KCNH8: variants seen among roughly 807,000 people sequenced by gnomAD.
The protein encoded by KCNH8 is potassium voltage-gated channel subfamily H member 8, also known as voltage-gated delayed rectifier potassium channel KCNH8.
Under a neutral mutation model 103.6 loss-of-function variants are expected in KCNH8, and 70 were observed. The observed-to-expected ratio is 0.68, with a 90% CI of 0.56 to 0.82. The LOEUF (loss-of-function observed/expected upper bound fraction) is 0.82. KCNH8 is among the 40% of genes least tolerant of loss of function. KCNH8 has a pLI of 0.00. For missense variants in KCNH8, 1,217 were observed against 1,329.9 expected (o/e 0.92, Z 1.32); for synonymous variants, 498 against 489.4 (o/e 1.02, Z -0.23).
chr3:19,303,289 G>C (rs1402098477), intron 3 of KCNH8, among the ~76,000 whole-genome samples: 1 of 151,986 alleles, frequency 6.6e-6, no homozygotes, highest in Non-Finnish European at 1.5e-5. Flanking sequence ...ACAACCATGA[G>C]GAAATTTTTA....
chr3:19,257,437 G>A (rs577288770), intron 2 of KCNH8, among the ~76,000 whole-genome samples: 25 of 152,118 alleles, frequency 1.6e-4, no homozygotes, highest in African/African-American at 5.8e-4. Flanking sequence ...GAGATGTCAT[G>A]TCCTATTTGT....
At chr3:19,329,660 A>G (rs2065477891) in intron 3 of KCNH8, among the ~76,000 whole-genome samples, 1 of 152,226 alleles carries the variant, frequency 6.6e-6, no homozygotes, top group Non-Finnish European at 1.5e-5. Context: ...GAAGATACAT[A>G]AAAGTGCTTT....
intron 1 of KCNH8, among the ~76,000 whole-genome samples, chr3:19,168,726 ATG>A (rs1378180619): frequency 1.3e-5 from 2 of 152,242 alleles, no homozygotes; most frequent in African/African-American, 4.8e-5. Context: ...GTTTTCAAAT[ATG>A]AAGGACGAAG....
intron 2 of KCNH8, among the ~76,000 whole-genome samples, chr3:19,261,000 A>G (rs1361426044): frequency 1.4e-5 from 2 of 145,662 alleles, no homozygotes; most frequent in South Asian, 2.2e-4. Context: ...ATATCAGTTT[A>G]TTTATCAAAT....
chr3:19,218,031 C>A (rs755823418), intron 1 of KCNH8, among the ~76,000 whole-genome samples: 3 of 152,138 alleles, frequency 2.0e-5, no homozygotes, highest in Non-Finnish European at 4.4e-5. Flanking sequence ...AAACTGTTTT[C>A]TCAATCCAAA....
At chr3:19,517,624 GA>G (rs1182749800) in intron 14 of KCNH8, among the ~76,000 whole-genome samples, 1 of 151,984 alleles carries the variant, frequency 6.6e-6, no homozygotes, top group Non-Finnish European at 1.5e-5. Context: ...TGGAACGAGA[GA>G]AGAAAAATAA....
chr3:19,438,027 C>G, intron 7 of KCNH8, 137 bp from the exon 8 acceptor site: 2 of 709,936 alleles, frequency 2.8e-6, no homozygotes, highest in South Asian at 1.7e-5. Flanking sequence ...AATAGCTTGC[C>G]TTTAATTTCC....
At chr3:19,267,682 T>G (rs971191799) in intron 2 of KCNH8, among the ~76,000 whole-genome samples, 1 of 152,050 alleles carries the variant, frequency 6.6e-6, no homozygotes, top group Non-Finnish European at 1.5e-5. Flanking sequence ...CAGAAATATT[T>G]AGCTCTTAAA....
Position 19,148,536 on chromosome 3 carries a change from C to G in KCNH8, c.-184C>G, listed in dbSNP as rs887393929. ...CTCTTGGGGCTCCTCCTGCCACAGC[C>G]GGGGCGGCTGGAACTCTCTCCCTTT... On this transcript the variant is annotated 5_prime_UTR_variant, in exon 1 of 16. Transcript: ENST00000328405. The G allele has an allele frequency of 5.0e-5, 31 of 620,522 alleles. No individual in the cohort carries two copies. In the African/African-American group the frequency reaches 5.3e-4, roughly 11 times the overall value. The allele number at this position is 620,522 out of a possible 1,614,324, so 38.4% of individuals were successfully genotyped here. A position where few individuals can be genotyped will look rare whatever the true frequency, so the allele number is the denominator to read the frequency against.
chr3:19,298,076 ATAAT>A (rs1216737805), intron 3 of KCNH8, among the ~76,000 whole-genome samples: 1 of 152,230 alleles, frequency 6.6e-6, no homozygotes, highest in African/African-American at 2.4e-5. Flanking sequence ...ATAGGTGAGA[ATAAT>A]AAATAATAGT....
intron 1 of KCNH8, among the ~76,000 whole-genome samples, chr3:19,206,860 G>A (rs1489766573): frequency 2.0e-5 from 3 of 152,046 alleles, no homozygotes; most frequent in Non-Finnish European, 2.9e-5. Context: ...AAGCCTGCCA[G>A]ATATGGCAGA....
At chr3:19,503,918 T>TA (rs1275524323) in intron 11 of KCNH8, among the ~76,000 whole-genome samples, 3 of 151,628 alleles carry the variant, frequency 2.0e-5, no homozygotes, top group Non-Finnish European at 4.4e-5. Flanking sequence ...CCCTAAAACT[T>TA]AAAGTATAAT....
chr3:19,151,855 A>T (rs2063133610), intron 1 of KCNH8, among the ~76,000 whole-genome samples: 1 of 152,016 alleles, frequency 6.6e-6, no homozygotes, highest in African/African-American at 2.4e-5. Context: ...TTATTGAAAA[A>T]TAAAAATATT....
chr3:19,506,639 G>T (rs1017477939), intron 11 of KCNH8, among the ~76,000 whole-genome samples: 2 of 152,154 alleles, frequency 1.3e-5, no homozygotes, highest in African/African-American at 4.8e-5. Flanking sequence ...GCTGCACACT[G>T]CAATTCTGGA....
intron 3 of KCNH8, among the ~76,000 whole-genome samples, chr3:19,299,577 T>G (rs142783138): frequency 0.012 from 1,874 of 152,240 alleles, 9 homozygotes; most frequent in Non-Finnish European, 0.017. Context: ...TTTAAATCTC[T>G]ACAACAAACC....
At chr3:19,265,608 G>T (rs1205694327) in intron 2 of KCNH8, among the ~76,000 whole-genome samples, 2 of 151,898 alleles carry the variant, frequency 1.3e-5, no homozygotes, top group South Asian at 2.1e-4. Flanking sequence ...TTGAACCCTG[G>T]CCTGTGGGCT....
At chr3:19,371,769 A>C (rs1162123361) in intron 5 of KCNH8, among the ~76,000 whole-genome samples, 4 of 150,930 alleles carry the variant, frequency 2.7e-5, no homozygotes, top group Admixed American at 6.6e-5. Flanking sequence ...TCTTTAATCC[A>C]TGTTGAATTG....
At chr3:19,184,361 T>C (rs2063483069) in intron 1 of KCNH8, among the ~76,000 whole-genome samples, 1 of 152,000 alleles carries the variant, frequency 6.6e-6, no homozygotes. Flanking sequence ...GACATAGCTA[T>C]GTGACAACAG....
intron 5 of KCNH8, among the ~76,000 whole-genome samples, chr3:19,371,764 A>C (rs1302699225): frequency 6.6e-6 from 1 of 150,862 alleles, no homozygotes; most frequent in Non-Finnish European, 1.5e-5. Context: ...TAAAGTCTTT[A>C]ATCCATGTTG....
Sources: allele counts gnomAD v4.1 joint callset (sites outside exome capture counted in the v4.1 genomes callset), GRCh38; gene constraint gnomAD v4.1.1; transcripts MANE v1.5; gene names NCBI Gene and HGNC (gene_info 2026-07-23, HGNC 2026-07-21).